Variants in SOX6 observed in about 807,000 individuals in gnomAD.
SOX6 encodes transcription factor SOX-6.
In SOX6, 11 loss-of-function variants were observed where a neutral mutation model predicts 97.8. The observed-to-expected ratio is 0.11, with a 90% CI of 0.07 to 0.19. The LOEUF (loss-of-function observed/expected upper bound fraction) is 0.19. Among genes scored for constraint, SOX6 ranks in the 10% least tolerant of loss-of-function variants. The probability of loss-of-function intolerance (pLI) is 1.00; values close to 1 mark genes in which losing one functional copy is unlikely to be tolerated. For missense variants in SOX6, 810 were observed against 1,039.5 expected (o/e 0.78, Z 3.04); for synonymous variants, 360 against 371.4 (o/e 0.97, Z 0.35).
intron 4 of SOX6, among the ~76,000 whole-genome samples, chr11:16,604,939 C>T (rs1848316544): frequency 6.6e-6 from 1 of 152,186 alleles, no homozygotes; most frequent in Non-Finnish European, 1.5e-5. Context: ...CGGCACCGAG[C>T]TAATCTGCCC....
intron 1 of SOX6, among the ~76,000 whole-genome samples, chr11:16,443,603 T>G (rs1230187065): frequency 6.6e-6 from 1 of 152,176 alleles, no homozygotes; most frequent in Non-Finnish European, 1.5e-5. Flanking sequence ...GGTTCTGGGG[T>G]ACATGTGCAG....
chr11:16,479,004 T>C (rs1860298733), upstream of SOX6, among the ~76,000 whole-genome samples: 1 of 152,032 alleles, frequency 6.6e-6, no homozygotes. Context: ...CAGCGAAGAG[T>C]GACCATGGGT....
chr11:15,978,609 C>G (rs1443198797), intron 15 of SOX6, among the ~76,000 whole-genome samples: 1 of 151,178 alleles, frequency 6.6e-6, no homozygotes, highest in South Asian at 2.1e-4. Flanking sequence ...CTTCTCTTCT[C>G]TATCTAAATT....
chr11:16,735,636 T>C (rs1307935718), intron 2 of SOX6, among the ~76,000 whole-genome samples: 1 of 152,218 alleles, frequency 6.6e-6, no homozygotes, highest in Non-Finnish European at 1.5e-5. Context: ...AATCATTCAC[T>C]AGCTACATTA....
At chr11:16,364,975 T>C (rs1399227183) in intron 1 of SOX6, among the ~76,000 whole-genome samples, 3 of 152,148 alleles carry the variant, frequency 2.0e-5, no homozygotes, top group Admixed American at 1.3e-4. Context: ...ATCTCGGCCA[T>C]TATCCACAGT....
intron 12 of SOX6, among the ~76,000 whole-genome samples, chr11:16,024,948 C>T (rs1855174571): frequency 6.6e-6 from 1 of 152,130 alleles, no homozygotes; most frequent in Non-Finnish European, 1.5e-5. Flanking sequence ...TCTCCTGTAA[C>T]ACACATTTAG....
chr11:16,096,233 T>A, intron 8 of SOX6, 115 bp from the exon 9 acceptor site: 1 of 1,292,612 alleles, frequency 7.7e-7, no homozygotes, highest in Non-Finnish European at 1.1e-6. Context: ...AAATAGAAAG[T>A]AGAAAGTTTA....
At chr11:16,574,559 C>T (rs1331761864) in intron 4 of SOX6, among the ~76,000 whole-genome samples, 1 of 151,948 alleles carries the variant, frequency 6.6e-6, no homozygotes, top group Non-Finnish European at 1.5e-5. Flanking sequence ...ATTTCCTAAA[C>T]AGCACAGGAA....
chr11:16,522,756 C>T lies in SOX6; in HGVS notation n.610-46368G>A, dbSNP rs185084752. ...AACCCATCCCACGTGCGGAGACACA[C>T]ATAGGCTCAAAATAAAAGGATGAAG... On this transcript the variant is annotated intron_variant and non_coding_transcript_variant, in intron 4 of 5. Coordinates refer to the SOX6 transcript ENST00000524520. Among the ~76,000 whole-genome samples, 13 of 152,204 alleles carry T rather than the reference C, an allele frequency of 8.5e-5. No individual in the cohort carries two copies. The East Asian group carries it at 1.5e-3, about 18-fold the overall frequency.
intron 4 of SOX6, among the ~76,000 whole-genome samples, chr11:16,224,175 T>A (rs1266380367): frequency 1.3e-5 from 2 of 152,088 alleles, no homozygotes; most frequent in Non-Finnish European, 2.9e-5. Flanking sequence ...TTTTTAGTTT[T>A]ACACTTTTAA....
At chr11:16,296,192 A>G (rs1565075862) in intron 3 of SOX6, among the ~76,000 whole-genome samples, 1 of 152,138 alleles carries the variant, frequency 6.6e-6, no homozygotes. Flanking sequence ...TCATAATTCA[A>G]TTATAAGTAC....
intron 9 of SOX6, among the ~76,000 whole-genome samples, chr11:16,063,766 T>C (rs1222901313): frequency 6.6e-6 from 1 of 150,746 alleles, no homozygotes; most frequent in Non-Finnish European, 1.5e-5. Flanking sequence ...CTGGATATTT[T>C]ACATTTATTA....
intron 4 of SOX6, among the ~76,000 whole-genome samples, chr11:16,553,365 AG>A (rs544537594): frequency 2.8e-4 from 42 of 152,334 alleles, no homozygotes; most frequent in Non-Finnish European, 5.7e-4. Context: ...ATGCAAATTA[AG>A]GGGCAGGCTG....
intron 3 of SOX6, among the ~76,000 whole-genome samples, chr11:16,629,087 C>A (rs1179372234): frequency 6.6e-6 from 1 of 152,158 alleles, no homozygotes; most frequent in East Asian, 1.9e-4. Context: ...ACTTTCATTT[C>A]TGTCTCTTGC....
At chr11:16,432,858 A>C (rs1461674754) in intron 1 of SOX6, among the ~76,000 whole-genome samples, 1 of 152,028 alleles carries the variant, frequency 6.6e-6, no homozygotes, top group Admixed American at 6.6e-5. Flanking sequence ...TTCTTAACAA[A>C]CTATTCTTCT....
At chr11:16,617,167 C>T (rs2133986315) in intron 3 of SOX6, among the ~76,000 whole-genome samples, 1 of 151,908 alleles carries the variant, frequency 6.6e-6, no homozygotes, top group South Asian at 2.1e-4. Context: ...AATTTTTACA[C>T]TTTCATCAGA....
At chr11:16,373,863 GGAAGGAAGGAAGGA>G (rs1565118954) in intron 1 of SOX6, among the ~76,000 whole-genome samples, 44 of 42,480 alleles carry the variant, frequency 1.0e-3, no homozygotes, top group African/African-American at 1.9e-3. Flanking sequence ...AAGGAAGGAA[GGAAGGAAGGAAGGA>G]AGGAAGGAAG....
At chr11:16,614,963 A>G (rs1261123090) in intron 3 of SOX6, among the ~76,000 whole-genome samples, 1 of 152,230 alleles carries the variant, frequency 6.6e-6, no homozygotes, top group Non-Finnish European at 1.5e-5. Flanking sequence ...TATAAATTAA[A>G]AATTAAAAAT....
intron 1 of SOX6, among the ~76,000 whole-genome samples, chr11:16,362,118 C>T (rs545892): frequency 0.93 from 141,926 of 152,160 alleles, 67,011 homozygotes; most frequent in East Asian, 1. Context: ...AACAAAGCCC[C>T]TTCCCTTGTA....
Sources: allele counts gnomAD v4.1 joint callset (sites outside exome capture counted in the v4.1 genomes callset), GRCh38; gene constraint gnomAD v4.1.1; transcripts MANE v1.5; gene names NCBI Gene and HGNC (gene_info 2026-07-23, HGNC 2026-07-21).